Variants in PPARGC1A observed in about 807,000 individuals in gnomAD.
PPARGC1A encodes PPARG coactivator 1 alpha, also known as peroxisome proliferator-activated receptor gamma coactivator 1-alpha.
PPARGC1A carries 25 observed loss-of-function variants against 88.7 expected under a neutral mutation model. The ratio of observed to expected loss-of-function variants is 0.28; its 90% CI spans 0.21 to 0.39. The LOEUF (loss-of-function observed/expected upper bound fraction) is 0.39. Among genes scored for constraint, PPARGC1A ranks in the 10% least tolerant of loss-of-function variants. The pLI is 1.00. For synonymous variants in PPARGC1A, 363 were observed against 355.6 expected (o/e 1.02, Z -0.24); for missense variants, 880 against 968.7 (o/e 0.91, Z 1.22).
At chr4:23,944,990 A>G in the PPARGC1A span, among the ~76,000 whole-genome samples, 1 of 152,198 alleles carries the variant, frequency 6.6e-6, no homozygotes, top group Admixed American at 6.5e-5. Context: ...ACCTTGGGCA[A>G]GTAACTTCAC....
chr4:23,813,171 T>C (rs1261566971), intron 8 of PPARGC1A, 46 bp from the exon 9 acceptor site: 17 of 1,527,814 alleles, frequency 1.1e-5, no homozygotes, highest in Non-Finnish European at 1.5e-5. Flanking sequence ...AACTGCCACT[T>C]AACCCAAGTT....
chr4:24,017,592 G>A, the PPARGC1A span, among the ~76,000 whole-genome samples: 1 of 152,046 alleles, frequency 6.6e-6, no homozygotes, highest in African/African-American at 2.4e-5. Flanking sequence ...AGGCAGAAAT[G>A]GGTGTCTCAG....
intron 2 of PPARGC1A, among the ~76,000 whole-genome samples, chr4:23,860,368 T>C (rs951863152): frequency 6.6e-6 from 1 of 151,520 alleles, no homozygotes; most frequent in Non-Finnish European, 1.5e-5. Flanking sequence ...CAAATTGCAA[T>C]TATGTGGGAT....
the PPARGC1A span, among the ~76,000 whole-genome samples, chr4:24,096,407 C>CG: frequency 6.6e-6 from 1 of 152,178 alleles, no homozygotes; most frequent in Non-Finnish European, 1.5e-5. Context: ...GGAATCAACT[C>CG]GGTCAACAAA....
chr4:24,301,055 A>T, the PPARGC1A span, among the ~76,000 whole-genome samples: 2 of 152,190 alleles, frequency 1.3e-5, no homozygotes, highest in Non-Finnish European at 2.9e-5. Flanking sequence ...AAGGAAAAAA[A>T]AAATCCCTAA....
At chr4:23,969,457 C>T in the PPARGC1A span, among the ~76,000 whole-genome samples, 1 of 152,172 alleles carries the variant, frequency 6.6e-6, no homozygotes, top group East Asian at 1.9e-4. Context: ...TATATGCATA[C>T]TCTCGTAATA....
chr4:24,109,992 C>T, the PPARGC1A span, among the ~76,000 whole-genome samples: 3 of 152,120 alleles, frequency 2.0e-5, no homozygotes, highest in South Asian at 4.2e-4. Context: ...AGGAGGAACC[C>T]CCAGCAGCCA....
rs182477024 is a variant in PPARGC1A, at chr4:23,812,592, C to T, written c.2019+155G>A. 5.9e-5 allele frequency among the ~76,000 whole-genome samples: 9 copies of T among 152,104 alleles called. No individual in the cohort carries two copies. In the East Asian group the frequency reaches 7.7e-4, roughly 13 times the overall value. ...TCCAATAAGTTAGGTCAATGGGGAC[C>T]GAAGACTTATGGATATTTTAAAGCC... On this transcript the variant is annotated intron_variant, in intron 10 of 12. Coordinates refer to ENST00000264867, the MANE Select transcript of PPARGC1A (RefSeq NM_013261.5).
At chr4:23,801,961 C>G in intron 11 of PPARGC1A, 80 bp from the exon 12 acceptor site, 1 of 1,534,006 alleles carries the variant, frequency 6.5e-7, no homozygotes, top group South Asian at 1.2e-5. Context: ...CTTTGTGAGA[C>G]TTCTCCAGTG....
the PPARGC1A span, among the ~76,000 whole-genome samples, chr4:23,947,521 TC>T: frequency 6.6e-6 from 1 of 151,634 alleles, no homozygotes; most frequent in African/African-American, 2.4e-5. Context: ...ACCTGCATCT[TC>T]ATCCACCCCT....
chr4:24,362,146 C>G, the PPARGC1A span, among the ~76,000 whole-genome samples: 3 of 152,206 alleles, frequency 2.0e-5, no homozygotes, highest in African/African-American at 7.2e-5. Context: ...AGACTATAGT[C>G]ATGGGTTCAT....
chr4:24,274,974 C>T, the PPARGC1A span, among the ~76,000 whole-genome samples: 1 of 152,022 alleles, frequency 6.6e-6, no homozygotes, highest in African/African-American at 2.4e-5. Flanking sequence ...GAAACTTTGC[C>T]GCTAAGAAAT....
At chr4:23,981,811 G>A in the PPARGC1A span, among the ~76,000 whole-genome samples, 1 of 152,098 alleles carries the variant, frequency 6.6e-6, no homozygotes, top group Non-Finnish European at 1.5e-5. Context: ...GCGATCTTTA[G>A]TAGATTCCCT....
chr4:24,170,970 G>A, the PPARGC1A span, among the ~76,000 whole-genome samples: 3 of 152,036 alleles, frequency 2.0e-5, no homozygotes, highest in African/African-American at 4.8e-5. Flanking sequence ...TGTGTGTCAC[G>A]CATGCTCCTG....
the PPARGC1A span, among the ~76,000 whole-genome samples, chr4:24,193,432 C>A: frequency 6.6e-6 from 1 of 152,176 alleles, no homozygotes; most frequent in African/African-American, 2.4e-5. Flanking sequence ...TCTCCCCAGC[C>A]TTCCCTAGAA....
At chr4:24,102,898 A>G in the PPARGC1A span, among the ~76,000 whole-genome samples, 1 of 152,166 alleles carries the variant, frequency 6.6e-6, no homozygotes, top group Non-Finnish European at 1.5e-5. Context: ...AACACTGCGA[A>G]TCAGGAGTGT....
chr4:23,818,974 AG>A (rs887038433), intron 7 of PPARGC1A, among the ~76,000 whole-genome samples: 5 of 150,748 alleles, frequency 3.3e-5, no homozygotes, highest in Admixed American at 6.7e-5. Flanking sequence ...CAGGTATTTA[AG>A]AAAAAAAAAA....
chr4:23,861,178 T>G (rs374793610), intron 2 of PPARGC1A, among the ~76,000 whole-genome samples: 1 of 152,242 alleles, frequency 6.6e-6, no homozygotes, highest in Non-Finnish European at 1.5e-5. Context: ...AACACTGTTT[T>G]GTAAACATAA....
the PPARGC1A span, among the ~76,000 whole-genome samples, chr4:24,102,295 CT>C: frequency 1.3e-5 from 2 of 152,202 alleles, no homozygotes; most frequent in Non-Finnish European, 2.9e-5. Flanking sequence ...AGATTCCTTT[CT>C]TTTTTTTCAG....
Sources: allele counts gnomAD v4.1 joint callset (sites outside exome capture counted in the v4.1 genomes callset), GRCh38; gene constraint gnomAD v4.1.1; transcripts MANE v1.5; gene names NCBI Gene and HGNC (gene_info 2026-07-23, HGNC 2026-07-21).